RELN: variants seen among roughly 807,000 people sequenced by gnomAD.
RELN encodes reelin.
In RELN, 108 loss-of-function variants were observed where a neutral mutation model predicts 427.6. That is an observed-to-expected ratio of 0.25 (90% confidence interval 0.22 to 0.30). The LOEUF (loss-of-function observed/expected upper bound fraction) is 0.30. RELN is among the 10% of genes least tolerant of loss of function. RELN has a pLI of 1.00. For missense variants in RELN, 3,715 were observed against 4,302.8 expected (o/e 0.86, Z 3.82); for synonymous variants, 1,524 against 1,513.4 (o/e 1.01, Z -0.16).
intron 44 of RELN, 107 bp downstream of exon 44, chr7:103,540,090 A>T (rs1453942909): frequency 1.0e-5 from 13 of 1,263,994 alleles, no homozygotes; most frequent in Non-Finnish European, 1.5e-5. Context: ...CTCAACTGTC[A>T]GTTCTGGGTT....
chr7:103,598,904 T>C (rs1831601737), intron 24 of RELN, among the ~76,000 whole-genome samples: 1 of 152,250 alleles, frequency 6.6e-6, no homozygotes, highest in Admixed American at 6.5e-5. Flanking sequence ...TGTATTTATG[T>C]GTATATGTGT....
chr7:103,673,817 T>C (rs545190955), intron 11 of RELN, among the ~76,000 whole-genome samples: 1 of 152,260 alleles, frequency 6.6e-6, no homozygotes, highest in South Asian at 2.1e-4. Flanking sequence ...AGAATTTTCT[T>C]TTATTGGTGT....
chr7:103,679,033 T>G (rs1833598739), intron 11 of RELN, among the ~76,000 whole-genome samples: 1 of 152,212 alleles, frequency 6.6e-6, no homozygotes, highest in African/African-American at 2.4e-5. Flanking sequence ...TAAACATGCT[T>G]CACATTAATT....
chr7:103,826,320 A>ATGTGTG (rs71154374), intron 3 of RELN, among the ~76,000 whole-genome samples: 8,323 of 121,804 alleles, frequency 0.068, 286 homozygotes, highest in East Asian at 0.17. Flanking sequence ...GACTAAGACA[A>ATGTGTG]TGTGTGTGTG....
Position 103,603,505 on chromosome 7 carries a change from G to A in RELN, c.3147-15C>T, listed in dbSNP as rs773147896. The A allele has an allele frequency of 9.3e-6, 15 of 1,610,468 alleles. No homozygotes were observed. The highest frequency in any genetic ancestry group is 8.3e-5 in the Admixed American group (5 of 59,948). ...CCTGGTCACACCTATGAGAGAGCAG[G>A]GCTGAGTAGGCAGGTTACAGGCCCA... On this transcript the variant is annotated splice_polypyrimidine_tract_variant and intron_variant, in intron 23 of 64. Transcript: ENST00000428762. The surrounding 1 kb of genome is among the most constrained non-coding windows in gnomAD (Gnocchi z 4.3).
chr7:103,501,866 G>A (rs1010841492), intron 52 of RELN, among the ~76,000 whole-genome samples: 1 of 152,174 alleles, frequency 6.6e-6, no homozygotes, highest in Non-Finnish European at 1.5e-5. Context: ...TGGGATGCAA[G>A]GTGGCGCTTG....
At chr7:103,610,228 C>T (rs920666280) in intron 22 of RELN, among the ~76,000 whole-genome samples, 1 of 152,004 alleles carries the variant, frequency 6.6e-6, no homozygotes, top group Non-Finnish European at 1.5e-5. Context: ...CCTCTGTTTC[C>T]TGGGGGATAA....
chr7:103,928,912 T>C (rs1309957338), intron 1 of RELN, among the ~76,000 whole-genome samples: 1 of 152,210 alleles, frequency 6.6e-6, no homozygotes, highest in East Asian at 1.9e-4. Flanking sequence ...CAAAGAAAAG[T>C]ACCTAAATAT....
At chr7:103,593,082 C>T (rs1480918684) in intron 27 of RELN, among the ~76,000 whole-genome samples, 1 of 152,170 alleles carries the variant, frequency 6.6e-6, no homozygotes, top group African/African-American at 2.4e-5. Flanking sequence ...AACTGCATTA[C>T]TTTCAACCCC....
chr7:103,722,420 G>A (rs1441514759), intron 8 of RELN, among the ~76,000 whole-genome samples: 1 of 152,076 alleles, frequency 6.6e-6, no homozygotes, highest in Non-Finnish European at 1.5e-5. Context: ...GGTCAGGAGG[G>A]GGTTTCGCTC....
chr7:103,856,441 T>C (rs193017972), intron 2 of RELN, among the ~76,000 whole-genome samples: 3 of 151,578 alleles, frequency 2.0e-5, no homozygotes, highest in African/African-American at 7.3e-5. Context: ...TGGTGGTGCA[T>C]GCCTGTAATC....
intron 20 of RELN, among the ~76,000 whole-genome samples, chr7:103,617,325 T>C (rs1252975402): frequency 6.6e-6 from 1 of 152,288 alleles, no homozygotes; most frequent in East Asian, 1.9e-4. Context: ...TAATGTTTTG[T>C]TTCTTTAAGG....
intron 10 of RELN, among the ~76,000 whole-genome samples, chr7:103,694,382 A>G (rs1833933751): frequency 6.6e-6 from 1 of 152,026 alleles, no homozygotes; most frequent in South Asian, 2.1e-4. Context: ...AAGGTATTTA[A>G]CACCTCTATG....
intron 3 of RELN, among the ~76,000 whole-genome samples, chr7:103,783,212 TCTTAACTCCTGGG>T (rs1791938559): frequency 1.3e-5 from 2 of 150,824 alleles, no homozygotes; most frequent in Non-Finnish European, 3.0e-5. Context: ...CCCAGGTTAA[TCTTAACTCCTGGG>T]CTCAAACAAT....
At chr7:103,722,780 T>A (rs1303116646) in intron 8 of RELN, among the ~76,000 whole-genome samples, 1 of 152,160 alleles carries the variant, frequency 6.6e-6, no homozygotes, top group African/African-American at 2.4e-5. Context: ...TACCAGTTAG[T>A]CAGAGCTCAG....
rs1263309752 is a variant in RELN at position 103,909,785 on chromosome 7, A to T, written c.337+7290T>A. Among the ~76,000 whole-genome samples, 8 of 96,560 alleles carry T rather than the reference A, an allele frequency of 8.3e-5. 1 individual carries two copies. Among genetic ancestry groups the T allele is most frequent in the Non-Finnish European group, 1.5e-4 (8 of 52,706 alleles). 63.3% of individuals were successfully genotyped at this position (96,560 alleles called of 152,430 possible). On this transcript the variant is annotated intron_variant, in intron 2 of 64. Transcript: ENST00000428762. ...ATATATATTTAATATATATAAATAT[A>T]TATATTAAATATATATTAATATATA...
chr7:103,744,967 G>C (rs1032573729), intron 6 of RELN, among the ~76,000 whole-genome samples: 2 of 152,118 alleles, frequency 1.3e-5, no homozygotes, highest in Non-Finnish European at 1.5e-5. Flanking sequence ...AACCAAAAAA[G>C]ATAATTTTAG....
intron 11 of RELN, among the ~76,000 whole-genome samples, chr7:103,663,330 G>A (rs188657138): frequency 7.2e-5 from 11 of 152,224 alleles, no homozygotes; most frequent in Non-Finnish European, 1.5e-4. Flanking sequence ...AGTGTTCAAT[G>A]CCCAGCAGAT....
At chr7:103,907,537 GC>G (rs1795240686) in intron 2 of RELN, among the ~76,000 whole-genome samples, 1 of 151,750 alleles carries the variant, frequency 6.6e-6, no homozygotes, top group African/African-American at 2.4e-5. Flanking sequence ...ATTAGTGGTG[GC>G]CTAGGGGCTG....
Sources: allele counts gnomAD v4.1 joint callset (sites outside exome capture counted in the v4.1 genomes callset), GRCh38; gene constraint gnomAD v4.1.1; non-coding constraint Gnocchi (gnomAD v3.1); transcripts MANE v1.5; gene names NCBI Gene and HGNC (gene_info 2026-07-23, HGNC 2026-07-21).